ADGRL2: variants seen among roughly 807,000 people sequenced by gnomAD.
ADGRL2 encodes adhesion G protein-coupled receptor L2.
ADGRL2 carries 44 observed loss-of-function variants against 157.4 expected under a neutral mutation model. That is an observed-to-expected ratio of 0.28 (90% CI 0.22 to 0.36). The LOEUF is 0.36. ADGRL2 is among the 10% of genes least tolerant of loss of function. ADGRL2 has a pLI of 1.00. For synonymous variants in ADGRL2, 585 were observed against 624.7 expected, an observed-to-expected ratio of 0.94 and a Z score of 0.95; for missense variants, 1,510 against 1,768.9, an observed-to-expected ratio of 0.85 and a Z score of 2.63.
At position 81,910,325 on chromosome 1, in the gene ADGRL2, TATG is replaced by T. The variant is rs556500391; in HGVS notation, c.287+3098_287+3100del. 6.3e-4 allele frequency among the ~76,000 whole-genome samples: 95 copies of T among 151,532 alleles called. 2 individuals carry two copies. The highest frequency in any genetic ancestry group is 2.2e-3 in the African/African-American group (93 of 41,404). ...AATATAAAGTATACGTATGTCCTAATATGATAGACTACCTCAATTCCTGAGTTG... is the reference window on the plus strand; with the variant it reads ...AATATAAAGTATACGTATGTCCTAATATAGACTACCTCAATTCCTGAGTTG... On this transcript the variant is annotated intron_variant, in intron 3 of 23. Coordinates refer to ENST00000686636, the MANE Select transcript of ADGRL2 (RefSeq NM_001366006.2).
rs397980625 is a variant in ADGRL2, at chr1:81,318,928, C to CTTTT, written c.-302+12446_-302+12449dup. The stretch of plus-strand genomic sequence containing the variant: ...TTTTATCCTCCATCCTCCATCAATT[C>CTTTT]TTTTTTTTTTTTTTTTTTTTTTTTT... On this transcript the variant is annotated intron_variant, in intron 1 of 24. Transcript: ENST00000370721. 5.7e-4 allele frequency among the ~76,000 whole-genome samples: 26 copies of CTTTT among 45,830 alleles called. 4 individuals are homozygous for CTTTT. Among genetic ancestry groups the CTTTT allele is most frequent in the Admixed American group, 1.2e-3 (3 of 2,526 alleles). 30.1% of individuals were successfully genotyped at this position (45,830 alleles called of 152,430 possible).
At chr1:81,699,017 G>T (rs1157972022), upstream of ADGRL2, among the ~76,000 whole-genome samples, 2 of 152,054 alleles carry the variant, frequency 1.3e-5, no homozygotes, top group Non-Finnish European at 2.9e-5. Flanking sequence ...CTCTTTAGAA[G>T]AAGTAAAAGG....
At chr1:81,309,978 A>C (rs1417057516) in intron 1 of ADGRL2, among the ~76,000 whole-genome samples, 1 of 152,196 alleles carries the variant, frequency 6.6e-6, no homozygotes, top group Admixed American at 6.5e-5. Flanking sequence ...AACTGTTCAC[A>C]TCAGAAAAAA....
chr1:81,794,608 T>C (rs1019839481), intron 2 of ADGRL2, among the ~76,000 whole-genome samples: 6 of 152,184 alleles, frequency 3.9e-5, no homozygotes, highest in African/African-American at 1.4e-4. Flanking sequence ...AGTGCTCCTT[T>C]GAGATATGAA....
chr1:81,499,502 C>A lies in ADGRL2; in HGVS notation c.-248+54413C>A, dbSNP rs533884773. Among the ~76,000 whole-genome samples, 3 of 152,326 alleles carry A rather than the reference C, an allele frequency of 2.0e-5. No individual in the cohort carries two copies. The South Asian group carries it at 6.2e-4, about 32-fold the overall frequency. On this transcript the variant is annotated intron_variant, in intron 2 of 24. Coordinates refer to the ADGRL2 transcript ENST00000370721. ...AAATTATCACAAAACATTGAACCAC[C>A]TGTTTGTCTTATTTAATAGGAGCAT...
At chr1:81,578,541 A>G (rs180694827) in intron 2 of ADGRL2, among the ~76,000 whole-genome samples, 1 of 152,292 alleles carries the variant, frequency 6.6e-6, no homozygotes, top group African/African-American at 2.4e-5. Context: ...TCCACCACCT[A>G]ATTTATCTCC....
At chr1:81,731,852 T>C (rs774325966) in intron 1 of ADGRL2, among the ~76,000 whole-genome samples, 1 of 152,234 alleles carries the variant, frequency 6.6e-6, no homozygotes, top group Admixed American at 6.5e-5. Flanking sequence ...CTCCTGGCAC[T>C]GTGCTAAGCA....
chr1:81,908,616 T>G lies in ADGRL2; in HGVS notation c.287+1386T>G, dbSNP rs114357194. Among the ~76,000 whole-genome samples, 1,428 of 152,270 alleles carry G rather than the reference T, an allele frequency of 9.4e-3. 17 individuals carry two copies. Among genetic ancestry groups the G allele is most frequent in the African/African-American group, 0.031 (1,306 of 41,548 alleles). On this transcript the variant is annotated intron_variant, in intron 3 of 23. Coordinates refer to ENST00000686636, the MANE Select transcript of ADGRL2 (RefSeq NM_001366006.2). ...GTTTATTTGGGCAAATAAAGTACAA[T>G]TGCTGGATTGTATAGTATGAGTATG... is the stretch of plus-strand genomic sequence containing the variant.
At chr1:81,732,918 G>A (rs1213063508) in intron 1 of ADGRL2, among the ~76,000 whole-genome samples, 1 of 151,982 alleles carries the variant, frequency 6.6e-6, no homozygotes, top group African/African-American at 2.4e-5. Flanking sequence ...TATGATAAGG[G>A]TTTTTATTTT....
chr1:81,352,531 C>A (rs975636257), intron 1 of ADGRL2, among the ~76,000 whole-genome samples: 4 of 152,080 alleles, frequency 2.6e-5, no homozygotes, highest in Non-Finnish European at 4.4e-5. Context: ...TTTAGGTAAG[C>A]AAGATAATCT....
chr1:81,925,982 A>G (rs2095096486), intron 3 of ADGRL2, among the ~76,000 whole-genome samples: 1 of 152,016 alleles, frequency 6.6e-6, no homozygotes, highest in Admixed American at 6.6e-5. Context: ...ACACAAATCT[A>G]GTTTACTCAA....
chr1:81,990,056 A>G (rs914940734), intron 23 of ADGRL2: 2 of 984,956 alleles, frequency 2.0e-6, no homozygotes, highest in South Asian at 9.4e-5. Flanking sequence ...ATTGCTTTGC[A>G]TTAACTATGC....
At chr1:81,878,985 T>C (rs992981869) in intron 2 of ADGRL2, among the ~76,000 whole-genome samples, 3 of 152,198 alleles carry the variant, frequency 2.0e-5, no homozygotes, top group Admixed American at 6.5e-5. Flanking sequence ...CATTTAAAAA[T>C]ACCTTGAATA....
intron 20 of ADGRL2, 52 bp downstream of exon 20, chr1:81,984,763 A>C (rs763590864): frequency 6.7e-5 from 106 of 1,589,448 alleles, no homozygotes; most frequent in Non-Finnish European, 8.5e-5. Context: ...TAGAAAACCT[A>C]CTGAGACATG....
chr1:81,653,908 C>T (rs993919044), intron 3 of ADGRL2, among the ~76,000 whole-genome samples: 6 of 151,996 alleles, frequency 3.9e-5, no homozygotes, highest in Admixed American at 2.0e-4. Flanking sequence ...TGCAATTTTC[C>T]CCCTCAGAGT....
At chr1:81,718,408 T>C (rs1423618658) in intron 1 of ADGRL2, among the ~76,000 whole-genome samples, 2 of 152,064 alleles carry the variant, frequency 1.3e-5, no homozygotes, top group African/African-American at 2.4e-5. Flanking sequence ...TTGTAGTTCA[T>C]GTTCACACAT....
chr1:81,339,408 A>G (rs1661894799), intron 1 of ADGRL2, among the ~76,000 whole-genome samples: 1 of 152,202 alleles, frequency 6.6e-6, no homozygotes, highest in African/African-American at 2.4e-5. Context: ...TTACAATCAC[A>G]GTACTTGCTT....
intron 1 of ADGRL2, among the ~76,000 whole-genome samples, chr1:81,736,238 A>G (rs1266417900): frequency 6.6e-6 from 1 of 151,738 alleles, no homozygotes; most frequent in African/African-American, 2.4e-5. Context: ...AGACAATAGT[A>G]TCTTGAGGTT....
chr1:81,966,040 A>G lies in ADGRL2; in HGVS notation c.2018-18A>G. On this transcript the variant is annotated intron_variant, in intron 11 of 23. Coordinates refer to ENST00000686636, the MANE Select transcript of ADGRL2 (RefSeq NM_001366006.2). The stretch of plus-strand genomic sequence containing the variant: ...GAATCCTTTTTTCCCCACCTCCTTT[A>G]TCTTTTCCCTCATCCAGTCCTGGAA... The G allele has an allele frequency of 3.1e-6, 5 of 1,612,926 alleles. No homozygotes were observed. The highest frequency in any genetic ancestry group is 4.2e-6 in the Non-Finnish European group (5 of 1,179,304).
Sources: gnomAD v4.1 joint callset for allele counts (sites outside exome capture counted in the v4.1 genomes callset) on GRCh38, gnomAD v4.1.1 for gene constraint, MANE v1.5 for transcripts, NCBI Gene and HGNC (gene_info 2026-07-23, HGNC 2026-07-21) for gene names.